The following SPIRE1 variants were observed in gnomAD, a reference collection of about 807,000 sequenced individuals.
The protein encoded by SPIRE1 is spire type actin nucleation factor 1, also known as protein spire homolog 1.
A neutral mutation model predicts 94.1 loss-of-function variants in SPIRE1; 40 were observed. That is an observed-to-expected ratio of 0.43 (90% CI 0.33 to 0.55). SPIRE1 has a LOEUF of 0.55. SPIRE1 is among the 20% of genes least tolerant of loss of function. SPIRE1 has a pLI of 0.06. For missense variants in SPIRE1, 838 were observed against 975.2 expected (o/e 0.86, Z 1.87); for synonymous variants, 376 against 371.7 (o/e 1.01, Z -0.13).
Position 12,449,861 on chromosome 18 carries a change from T to C in SPIRE1, c.2048A>G (p.Asp683Gly). ...CTCTTTGGGAAACTGGAGTTCTTCA[T>C]CTGATTTGTCCATAGACTTAGATTT... ...SSKSKSMDKS[D>G]EELQFPKELM... The change falls in exon 17 of 17, where the codon GAT (aspartate) becomes GGT (glycine). Residue 683 changes from aspartate (D) to glycine (G), a missense_variant. This residue lies in a region of SPIRE1 where 645 missense variants were observed against 804.7 expected (regional missense o/e 0.80). Coordinates refer to ENST00000409402, the MANE Select transcript of SPIRE1 (RefSeq NM_001128626.2). The C allele has an allele frequency of 4.3e-6, 7 of 1,614,122 alleles. No individual in the cohort carries two copies. The highest frequency in any genetic ancestry group is 5.9e-6 in the Non-Finnish European group (7 of 1,180,024).
At chr18:12,525,867 T>C (rs2034505157) in intron 4 of SPIRE1, among the ~76,000 whole-genome samples, 2 of 152,120 alleles carry the variant, frequency 1.3e-5, no homozygotes, top group South Asian at 2.1e-4. Flanking sequence ...AGATCTTCCC[T>C]AGGATGCAGT....
In SPIRE1 at chr18:12,514,610, C is replaced by A. The variant is rs541356223; in HGVS notation, c.730-2079G>T. On this transcript the variant is annotated intron_variant, in intron 4 of 16. Coordinates refer to ENST00000409402, the MANE Select transcript of SPIRE1 (RefSeq NM_001128626.2). ...ACTTAAACCTATTTAATAGCCCTTACCAAGTCAACTTTAGTAAGAGGAAGC... is the reference window on the plus strand; with the variant it reads ...ACTTAAACCTATTTAATAGCCCTTAACAAGTCAACTTTAGTAAGAGGAAGC... 2.6e-5 allele frequency among the ~76,000 whole-genome samples: 4 copies of A among 152,246 alleles called. No individual in the cohort carries two copies. In the South Asian group the frequency reaches 8.3e-4, roughly 32 times the overall value.
chr18:12,574,115 A>G (rs1298058193), intron 2 of SPIRE1, among the ~76,000 whole-genome samples: 1 of 152,242 alleles, frequency 6.6e-6, no homozygotes, highest in Non-Finnish European at 1.5e-5. Context: ...TCAATGTAGT[A>G]AACGTACTGC....
rs534205788 is a variant in SPIRE1, at chr18:12,454,422, C to T, written c.1700G>A (p.Arg567His). 2 of 1,613,542 alleles carry T rather than the reference C, an allele frequency of 1.2e-6. No homozygotes were observed. The highest frequency in any genetic ancestry group is 1.1e-5 in the South Asian group (1 of 91,066). Residue 567 changes from arginine to histidine, a missense_variant, in exon 13 of 17, where the codon CGC becomes CAC. Arg to His is a conservative substitution (Grantham distance 29, BLOSUM62 0). Transcript: ENST00000409402. The stretch of plus-strand genomic sequence containing the variant: ...CAGCTCTGCCTTCACCAGGACCTGG[C>T]GAATATGCATCACTTCTTCCACAGT... ...ALTVEEVMHI[R>H]QVLVKAELEK...
chr18:12,548,632 G>A lies in SPIRE1; in HGVS notation c.373-1728C>T, dbSNP rs118066068. Among the ~76,000 whole-genome samples, 621 of 145,378 alleles carry A rather than the reference G, an allele frequency of 4.3e-3. 1 individual carries two copies. Among genetic ancestry groups the A allele is most frequent in the Non-Finnish European group, 7.4e-3 (492 of 66,900 alleles). ...TTTTTTTTTTTTCTTCTTCTTTTGA[G>A]ACAAGGTCTCACTCTGTCACCCGGG... is the stretch of plus-strand genomic sequence containing the variant. On this transcript the variant is annotated intron_variant, in intron 2 of 16. Transcript: ENST00000409402.
chr18:12,656,114 G>A (rs749615592), intron 1 of SPIRE1, among the ~76,000 whole-genome samples: 16 of 152,118 alleles, frequency 1.1e-4, no homozygotes, highest in Admixed American at 5.2e-4. Context: ...GGCCAGGCTG[G>A]TCTCGAACTC....
intron 7 of SPIRE1, among the ~76,000 whole-genome samples, chr18:12,494,455 G>A (rs2033360556): frequency 6.6e-6 from 1 of 151,814 alleles, no homozygotes; most frequent in African/African-American, 2.4e-5. Flanking sequence ...CTCTGGCCTG[G>A]GAGACACAGT....
At chr18:12,551,980 G>GA (rs1321135142) in intron 2 of SPIRE1, among the ~76,000 whole-genome samples, 1 of 152,206 alleles carries the variant, frequency 6.6e-6, no homozygotes, top group Non-Finnish European at 1.5e-5. Flanking sequence ...CTTGGGAAAA[G>GA]AAAAGCACAG....
chr18:12,458,667 A>G (rs577178758), intron 12 of SPIRE1, among the ~76,000 whole-genome samples: 1 of 152,270 alleles, frequency 6.6e-6, no homozygotes, highest in South Asian at 2.1e-4. Context: ...TCTTTGCCTA[A>G]AGTGGTATAT....
rs145471532 is a variant in SPIRE1 at position 12,451,581 on chromosome 18, C to T, written c.2012+674G>A. The stretch of plus-strand genomic sequence containing the variant: ...GAGGCAGCCCAAGCACAGAGGCAGA[C>T]GTTTCAGGCACAAGGTTCATGCTGG... On this transcript the variant is annotated intron_variant, in intron 16 of 16. Coordinates refer to ENST00000409402, the MANE Select transcript of SPIRE1 (RefSeq NM_001128626.2). Among the ~76,000 whole-genome samples, 166 of 152,276 alleles carry T rather than the reference C, an allele frequency of 1.1e-3. 1 individual carries two copies. Among genetic ancestry groups the T allele is most frequent in the East Asian group, 6.0e-3 (31 of 5,180 alleles).
chr18:12,474,551 GTGGCTCA>G (rs2032486205), intron 10 of SPIRE1, among the ~76,000 whole-genome samples: 1 of 152,160 alleles, frequency 6.6e-6, no homozygotes, highest in African/African-American at 2.4e-5. Flanking sequence ...CCCAGGTGTG[GTGGCTCA>G]TGCTTGTAAT....
intron 6 of SPIRE1, among the ~76,000 whole-genome samples, chr18:12,503,050 A>G (rs1288623812): frequency 2.6e-5 from 4 of 151,538 alleles, no homozygotes; most frequent in African/African-American, 9.7e-5. Flanking sequence ...CGGAGCTTGC[A>G]GTGGGCCGAG....
At chr18:12,629,427 C>A (rs755214428) in intron 2 of SPIRE1, among the ~76,000 whole-genome samples, 3 of 152,184 alleles carry the variant, frequency 2.0e-5, no homozygotes, top group Non-Finnish European at 2.9e-5. Flanking sequence ...ACCCTTAAAT[C>A]TGGGTCTGAA....
At chr18:12,635,886 G>T (rs11664431) in intron 1 of SPIRE1, among the ~76,000 whole-genome samples, 12,437 of 150,290 alleles carry the variant, frequency 0.083, 672 homozygotes, top group Middle Eastern at 0.17. Context: ...GGTTTTTTTG[G>T]TTTTTTTTGT....
chr18:12,504,316 G>T (rs2033760974), intron 6 of SPIRE1, among the ~76,000 whole-genome samples: 1 of 146,218 alleles, frequency 6.8e-6, no homozygotes, highest in African/African-American at 2.6e-5. Flanking sequence ...AGACCAGCCT[G>T]GGCAACATGG....
At chr18:12,489,673 A>T (rs2033163593) in intron 8 of SPIRE1, among the ~76,000 whole-genome samples, 1 of 152,244 alleles carries the variant, frequency 6.6e-6, no homozygotes. Flanking sequence ...AATAAAACCC[A>T]ATTTAGCCAT....
intron 2 of SPIRE1, among the ~76,000 whole-genome samples, chr18:12,549,856 A>T (rs1428522200): frequency 6.6e-6 from 1 of 151,988 alleles, no homozygotes; most frequent in East Asian, 1.9e-4. Flanking sequence ...AAATATCAAC[A>T]CCAGCGATGG....
At chr18:12,530,167 T>C (rs766700056) in intron 4 of SPIRE1, among the ~76,000 whole-genome samples, 9 of 152,190 alleles carry the variant, frequency 5.9e-5, no homozygotes, top group Non-Finnish European at 7.3e-5. Context: ...TAAAATAAAA[T>C]AGTATACAAT....
chr18:12,635,618 A>G (rs2037901132), intron 1 of SPIRE1, among the ~76,000 whole-genome samples: 1 of 152,102 alleles, frequency 6.6e-6, no homozygotes, highest in Non-Finnish European at 1.5e-5. Context: ...TAATTGAGTA[A>G]TTTTTCCAAC....
Sources: gnomAD v4.1 joint callset for allele counts (sites outside exome capture counted in the v4.1 genomes callset) on GRCh38, gnomAD v4.1.1 for gene constraint, gnomAD v4.1.1 regional missense constraint, MANE v1.5 for transcripts, NCBI Gene and HGNC (gene_info 2026-07-23, HGNC 2026-07-21) for gene names.